Variants in ZBTB7C observed in about 807,000 individuals in gnomAD.
ZBTB7C encodes the protein zinc finger and BTB domain containing 7C.
In ZBTB7C, 8 loss-of-function variants were observed where a neutral mutation model predicts 25.7. The ratio of observed to expected loss-of-function variants is 0.31; its 90% CI spans 0.18 to 0.56. The LOEUF (loss-of-function observed/expected upper bound fraction) is 0.56. ZBTB7C is among the 20% of genes least tolerant of loss of function. ZBTB7C has a pLI of 0.91. For missense variants in ZBTB7C, 824 were observed against 855.2 expected (o/e 0.96, Z 0.46); for synonymous variants, 394 against 369.0 (o/e 1.07, Z -0.78).
chr18:48,378,780 A>G (rs1401974033), intron 1 of ZBTB7C, among the ~76,000 whole-genome samples: 2 of 152,232 alleles, frequency 1.3e-5, no homozygotes, highest in African/African-American at 2.4e-5. Context: ...ACATTCAGAG[A>G]ATAGAAACAA....
At chr18:48,208,471 C>A (rs529799001) in intron 2 of ZBTB7C, among the ~76,000 whole-genome samples, 2 of 152,258 alleles carry the variant, frequency 1.3e-5, no homozygotes, top group East Asian at 3.9e-4. Context: ...ACTCATGTCT[C>A]TCTAACTTCT....
At chr18:48,142,385 C>T (rs989458501) in intron 3 of ZBTB7C, among the ~76,000 whole-genome samples, 1 of 152,108 alleles carries the variant, frequency 6.6e-6, no homozygotes, top group Admixed American at 6.5e-5. Context: ...CAGGAACCTC[C>T]GAGGGGGAGG....
chr18:48,385,880 G>A lies in ZBTB7C; in HGVS notation c.-304+23346C>T, dbSNP rs557031582. Among the ~76,000 whole-genome samples, 500 of 152,296 alleles carry A rather than the reference G, an allele frequency of 3.3e-3. 2 individuals carry two copies. Among genetic ancestry groups the A allele is most frequent in the African/African-American group, 0.011 (473 of 41,570 alleles). ...CATGTGTCTCTACAAAGCTCCCTCA[G>A]AGTGGCCTTTTCAGCTGCCCTGATT... On this transcript the variant is annotated intron_variant, in intron 1 of 4. Transcript: ENST00000590800.
At chr18:48,371,973 A>G (rs908123184) in intron 1 of ZBTB7C, among the ~76,000 whole-genome samples, 12 of 152,190 alleles carry the variant, frequency 7.9e-5, no homozygotes, top group Non-Finnish European at 1.5e-4. Context: ...GACATGGTCC[A>G]TCCTGAACTC....
intron 2 of ZBTB7C, among the ~76,000 whole-genome samples, chr18:48,264,885 G>C (rs773319570): frequency 9.9e-5 from 15 of 152,200 alleles, no homozygotes; most frequent in Non-Finnish European, 1.6e-4. Flanking sequence ...CACAAGCGAA[G>C]TGGAAGGACA....
chr18:48,114,624 GAAGAA>G (rs1463709592), intron 3 of ZBTB7C, among the ~76,000 whole-genome samples: 2 of 151,944 alleles, frequency 1.3e-5, no homozygotes, highest in African/African-American at 4.8e-5. Context: ...CTCAGAAGCA[GAAGAA>G]AAGAAAATGT....
intron 2 of ZBTB7C, among the ~76,000 whole-genome samples, chr18:48,198,157 T>C (rs1347658847): frequency 6.6e-6 from 1 of 152,204 alleles, no homozygotes; most frequent in Non-Finnish European, 1.5e-5. Flanking sequence ...ATAAACTGAC[T>C]TCCAGGTCTG....
chr18:48,351,457 T>C (rs1598931380), intron 1 of ZBTB7C, among the ~76,000 whole-genome samples: 1 of 152,272 alleles, frequency 6.6e-6, no homozygotes, highest in African/African-American at 2.4e-5. Context: ...TCTACAGGCT[T>C]GCAAGCCAAC....
Position 48,027,108 on chromosome 18 carries a change from A to C in ZBTB7C, c.*2152T>G, listed in dbSNP as rs1277408726. On this transcript the variant is annotated 3_prime_UTR_variant, in exon 5 of 5. Coordinates refer to ENST00000590800, the MANE Select transcript of ZBTB7C (RefSeq NM_001318841.2). ...AGACAGACAGGGAAATTGAAACATC[A>C]AAAAAAAAAAAAAATTGAAGCAAAA... is the stretch of plus-strand genomic sequence containing the variant. 2 of 33,194 alleles carry C rather than the reference A, an allele frequency of 6.0e-5. No individual in the cohort carries two copies. Among genetic ancestry groups the C allele is most frequent in the Non-Finnish European group, 1.1e-4 (2 of 18,038 alleles). 2.1% of individuals were successfully genotyped at this position (33,194 alleles called of 1,614,324 possible).
At chr18:48,299,162 G>C (rs565322410) in intron 2 of ZBTB7C, among the ~76,000 whole-genome samples, 3 of 152,318 alleles carry the variant, frequency 2.0e-5, no homozygotes, top group African/African-American at 7.2e-5. Context: ...GAATCAGAGG[G>C]AGAGGCCTGG....
intron 3 of ZBTB7C, among the ~76,000 whole-genome samples, chr18:48,100,063 C>T (rs1009484461): frequency 6.6e-6 from 1 of 152,180 alleles, no homozygotes; most frequent in East Asian, 1.9e-4. Flanking sequence ...TTGTGCTTTC[C>T]TTCACTCTTC....
At chr18:48,333,138 G>A (rs563271413) in intron 2 of ZBTB7C, among the ~76,000 whole-genome samples, 104 of 151,970 alleles carry the variant, frequency 6.8e-4, no homozygotes, top group Middle Eastern at 6.8e-3. Context: ...GTTTTTAGTC[G>A]GGTACTATTT....
At chr18:48,151,792 G>T (rs1406924932) in intron 3 of ZBTB7C, among the ~76,000 whole-genome samples, 2 of 152,182 alleles carry the variant, frequency 1.3e-5, no homozygotes, top group Admixed American at 1.3e-4. Flanking sequence ...TGCTTTTCGT[G>T]GTTTCTCTGC....
intron 1 of ZBTB7C, among the ~76,000 whole-genome samples, chr18:48,348,962 C>T (rs909264384): frequency 1.3e-5 from 2 of 152,158 alleles, no homozygotes; most frequent in African/African-American, 4.8e-5. Context: ...CCTCTGCTCT[C>T]ACACACACAC....
intron 3 of ZBTB7C, among the ~76,000 whole-genome samples, chr18:48,088,673 CA>C (rs5824732): frequency 0.84 from 127,751 of 151,610 alleles, 53,913 homozygotes; most frequent in African/African-American, 0.87. Flanking sequence ...ACTAAAAATA[CA>C]AAAAAATTAG....
At chr18:48,063,301 C>A (rs1289635780) in intron 3 of ZBTB7C, among the ~76,000 whole-genome samples, 1 of 152,226 alleles carries the variant, frequency 6.6e-6, no homozygotes, top group Non-Finnish European at 1.5e-5. Context: ...AGCGCAGGGG[C>A]TTTTCCCCCC....
At chr18:48,381,135 T>C (rs1326778153) in intron 1 of ZBTB7C, among the ~76,000 whole-genome samples, 1 of 152,230 alleles carries the variant, frequency 6.6e-6, no homozygotes, top group African/African-American at 2.4e-5. Flanking sequence ...ATAATGTATG[T>C]TCCATGTACT....
intron 2 of ZBTB7C, among the ~76,000 whole-genome samples, chr18:48,250,353 C>T (rs8098909): frequency 0.23 from 34,671 of 152,114 alleles, 4,281 homozygotes; most frequent in Admixed American, 0.28. Flanking sequence ...GTTAGTTAAA[C>T]TCTCTGCGCC....
chr18:48,230,670 G>A (rs997366302), intron 2 of ZBTB7C, among the ~76,000 whole-genome samples: 1 of 152,232 alleles, frequency 6.6e-6, no homozygotes, highest in Non-Finnish European at 1.5e-5. Context: ...AAGGATGTGA[G>A]CTGCCAGTGG....
Sources: gnomAD v4.1 joint callset for allele counts (sites outside exome capture counted in the v4.1 genomes callset) on GRCh38, gnomAD v4.1.1 for gene constraint, MANE v1.5 for transcripts, NCBI Gene and HGNC (gene_info 2026-07-23, HGNC 2026-07-21) for gene names.